Variants in GPC5 observed in about 807,000 individuals in gnomAD.
The protein encoded by GPC5 is glypican 5, also known as glypican-5.
Under a neutral mutation model 53.9 loss-of-function variants are expected in GPC5, and 47 were observed. The observed-to-expected ratio is 0.87, with a 90% confidence interval of 0.69 to 1.11. The LOEUF (loss-of-function observed/expected upper bound fraction) is 1.11. Among genes scored for constraint, GPC5 ranks in the 50% most tolerant of loss-of-function variants. GPC5 has a pLI of 0.00. For synonymous variants in GPC5, 286 were observed against 263.3 expected (o/e 1.09, Z -0.84); for missense variants, 748 against 713.1 (o/e 1.05, Z -0.56).
At position 92,865,235 on chromosome 13, in the gene GPC5, G is replaced by A. The variant is rs548538523; in HGVS notation, c.1562-1047G>A. Among the ~76,000 whole-genome samples the A allele has an allele frequency of 5.9e-5, 9 of 152,042 alleles. No homozygotes were observed. The South Asian group carries it at 1.0e-3, about 18-fold the overall frequency. On this transcript the variant is annotated intron_variant, in intron 7 of 7. Transcript: ENST00000377067. ...TGGATCTTGGTGTATGACTTTGCCC[G>A]CTTTTTTTTAAATGAAACACTTTAT...
chr13:92,158,357 T>C (rs887234513), intron 7 of GPC5, among the ~76,000 whole-genome samples: 1 of 152,142 alleles, frequency 6.6e-6, no homozygotes, highest in Non-Finnish European at 1.5e-5. Flanking sequence ...CTGAAAAATC[T>C]ACAAAGGAAA....
At chr13:91,657,557 A>G (rs780411970) in intron 2 of GPC5, among the ~76,000 whole-genome samples, 16 of 152,168 alleles carry the variant, frequency 1.1e-4, no homozygotes, top group Non-Finnish European at 2.1e-4. Flanking sequence ...CCTCACAACA[A>G]AAAAATTATC....
At chr13:92,072,483 T>C (rs1594752723) in intron 6 of GPC5, among the ~76,000 whole-genome samples, 1 of 151,668 alleles carries the variant, frequency 6.6e-6, no homozygotes, top group Non-Finnish European at 1.5e-5. Flanking sequence ...GCCAGGCTGG[T>C]CTCGAACTCC....
At position 91,479,195 on chromosome 13, in the gene GPC5, G is replaced by C. The variant is rs1023234576; in HGVS notation, c.325+30273G>C. ...CCCAAAGTGCTGGGATTACAGGCTT[G>C]AGCCACCACACTCAGCCTTTAATTA... is the stretch of plus-strand genomic sequence containing the variant. On this transcript the variant is annotated intron_variant, in intron 2 of 7. Coordinates refer to ENST00000377067, the MANE Select transcript of GPC5 (RefSeq NM_004466.6). Among the ~76,000 whole-genome samples, 14 of 152,010 alleles carry C rather than the reference G, an allele frequency of 9.2e-5. No individual in the cohort carries two copies. In the South Asian group the frequency reaches 2.7e-3, roughly 29 times the overall value.
chr13:92,300,397 G>A (rs962614191), intron 7 of GPC5, among the ~76,000 whole-genome samples: 7 of 152,024 alleles, frequency 4.6e-5, no homozygotes, highest in Non-Finnish European at 8.8e-5. Context: ...TAGATTTTAG[G>A]CTCCATCATC....
At chr13:91,503,858 G>T (rs1034763989) in intron 2 of GPC5, among the ~76,000 whole-genome samples, 1 of 149,794 alleles carries the variant, frequency 6.7e-6, no homozygotes, top group Non-Finnish European at 1.5e-5. Context: ...GGCTTCCCAA[G>T]TACCATACTA....
At chr13:92,296,963 C>T (rs2139191846) in intron 7 of GPC5, among the ~76,000 whole-genome samples, 1 of 152,300 alleles carries the variant, frequency 6.6e-6, no homozygotes, top group East Asian at 1.9e-4. Context: ...TCCATGGGCT[C>T]CTGTGTGGCC....
At chr13:91,500,786 C>T (rs1457633354) in intron 2 of GPC5, among the ~76,000 whole-genome samples, 1 of 152,182 alleles carries the variant, frequency 6.6e-6, no homozygotes, top group Non-Finnish European at 1.5e-5. Context: ...ACCCAAATCT[C>T]ATCTTGAACT....
intron 2 of GPC5, among the ~76,000 whole-genome samples, chr13:91,566,142 C>T (rs1344194095): frequency 1.3e-5 from 2 of 152,158 alleles, no homozygotes; most frequent in Non-Finnish European, 2.9e-5. Flanking sequence ...TTCAAGTGGA[C>T]ATATCTTTGT....
chr13:92,513,905 T>G (rs1413900498), intron 7 of GPC5, among the ~76,000 whole-genome samples: 1 of 152,176 alleles, frequency 6.6e-6, no homozygotes, highest in Non-Finnish European at 1.5e-5. Flanking sequence ...TTTCTACTTG[T>G]GGCATCATGT....
rs192351359 is a variant in GPC5, at chr13:91,759,012, C to A, written c.1280+2592C>A. ...CTCCTACCACCTCTAAGGCTACTGC[C>A]AAAATGAGCATGTTTCAGCCCTGAT... On this transcript the variant is annotated intron_variant, in intron 5 of 7. Transcript: ENST00000377067. Among the ~76,000 whole-genome samples, 345 of 152,158 alleles carry A rather than the reference C, an allele frequency of 2.3e-3. 4 individuals carry two copies. The highest frequency in any genetic ancestry group is 8.0e-3 in the African/African-American group (334 of 41,516).
chr13:91,460,303 T>A (rs186317427), intron 2 of GPC5, among the ~76,000 whole-genome samples: 1 of 152,070 alleles, frequency 6.6e-6, no homozygotes, highest in Admixed American at 6.6e-5. Flanking sequence ...GTTGTCTTTT[T>A]TTTTTTTGGT....
At chr13:91,793,187 A>G (rs1566265078) in intron 5 of GPC5, among the ~76,000 whole-genome samples, 1 of 151,874 alleles carries the variant, frequency 6.6e-6, no homozygotes, top group Non-Finnish European at 1.5e-5. Flanking sequence ...AGGGGAGGCA[A>G]ACACATTCTT....
At chr13:91,912,342 C>T (rs2039617299) in intron 6 of GPC5, among the ~76,000 whole-genome samples, 2 of 151,336 alleles carry the variant, frequency 1.3e-5, no homozygotes, top group South Asian at 4.2e-4. Context: ...CAGAGTGAGA[C>T]TCTGTCTCCC....
intron 5 of GPC5, among the ~76,000 whole-genome samples, chr13:91,784,722 C>T (rs1473429106): frequency 2.8e-5 from 1 of 36,206 alleles, no homozygotes; most frequent in Non-Finnish European, 4.8e-5. Flanking sequence ...GAAACTCCAT[C>T]TCAGAAAAAA....
rs185755152 is a variant in GPC5, at chr13:91,537,169, C to T, written c.325+88247C>T. ...AAGAGCAAACTAAACCCAAAATGTA[C>T]AGAAGAAAAGACGTAATAAATGATT... On this transcript the variant is annotated intron_variant, in intron 2 of 7. Coordinates refer to ENST00000377067, the MANE Select transcript of GPC5 (RefSeq NM_004466.6). Among the ~76,000 whole-genome samples the T allele has an allele frequency of 5.9e-5, 9 of 151,856 alleles. No individual in the cohort carries two copies. The East Asian group carries it at 1.7e-3, about 29-fold the overall frequency.
chr13:92,031,676 AAT>A (rs544961651), intron 6 of GPC5, among the ~76,000 whole-genome samples: 5 of 92,168 alleles, frequency 5.4e-5, no homozygotes, highest in South Asian at 2.6e-4. Context: ...TGGTATATAT[AAT>A]ATATATATAG....
chr13:92,706,635 G>A (rs1293798951), intron 7 of GPC5, among the ~76,000 whole-genome samples: 1 of 152,132 alleles, frequency 6.6e-6, no homozygotes, highest in African/African-American at 2.4e-5. Context: ...AGTCAAGAGA[G>A]TTGAAATGTC....
chr13:92,722,509 C>G (rs920943145), intron 7 of GPC5, among the ~76,000 whole-genome samples: 1 of 151,790 alleles, frequency 6.6e-6, no homozygotes, highest in Non-Finnish European at 1.5e-5. Context: ...TCCAAGGGCC[C>G]CACTTAAGAG....
Sources: gnomAD v4.1 joint callset for allele counts (sites outside exome capture counted in the v4.1 genomes callset) on GRCh38, gnomAD v4.1.1 for gene constraint, MANE v1.5 for transcripts, NCBI Gene and HGNC (gene_info 2026-07-23, HGNC 2026-07-21) for gene names.